The following KYNU variants were observed in gnomAD, a reference collection of about 807,000 sequenced individuals.
The protein encoded by KYNU is kynureninase.
KYNU carries 54 observed loss-of-function variants against 59.2 expected under a neutral mutation model. The observed-to-expected ratio is 0.91, with a 90% CI of 0.73 to 1.14. KYNU has a LOEUF of 1.14. Ranked by LOEUF, KYNU falls within the 50% of genes most tolerant of loss-of-function variation. The probability of loss-of-function intolerance (pLI) is 0.00; values close to 1 mark genes in which losing one functional copy is unlikely to be tolerated. For missense variants in KYNU, 567 were observed against 554.4 expected (o/e 1.02, Z -0.23); for synonymous variants, 177 against 192.0 (o/e 0.92, Z 0.65).
chr2:142,939,619 AAAAG>A (rs1489169452), intron 4 of KYNU, among the ~76,000 whole-genome samples: 2 of 150,282 alleles, frequency 1.3e-5, no homozygotes, highest in African/African-American at 2.4e-5. Flanking sequence ...AAAAAAAAAA[AAAAG>A]AAAAAAGAAA....
At position 142,981,609 on chromosome 2, in the gene KYNU, A is replaced by G. The variant is rs569471644; in HGVS notation, c.730-3475A>G. Among the ~76,000 whole-genome samples the G allele has an allele frequency of 1.4e-4, 21 of 152,162 alleles. No individual in the cohort carries two copies. The South Asian group carries it at 2.5e-3, about 18-fold the overall frequency. On this transcript the variant is annotated intron_variant, in intron 8 of 13. Transcript: ENST00000264170. ...TATTACTCCTTAAACTTATATTACA[A>G]TGGAGCACTTGTCTTATTTTCATGG...
At chr2:143,031,964 AAG>A (rs370903378) in intron 11 of KYNU, among the ~76,000 whole-genome samples, 1 of 151,824 alleles carries the variant, frequency 6.6e-6, no homozygotes, top group Admixed American at 6.6e-5. Context: ...GAGAGAGAGA[AAG>A]AGAGAGAGTG....
At position 143,010,195 on chromosome 2, in the gene KYNU, T is replaced by G. The variant is rs1418587973; in HGVS notation, c.903-19432T>G. On this transcript the variant is annotated intron_variant, in intron 10 of 13. Coordinates refer to ENST00000264170, the MANE Select transcript of KYNU (RefSeq NM_003937.3). ...TCAGCCCAAAATCTCCTTAAGCTGA[T>G]AAGCAACTTCAGCAAAGTCTCAGGA... is the stretch of plus-strand genomic sequence containing the variant. 2.4e-5 allele frequency among the ~76,000 whole-genome samples: 3 copies of G among 124,158 alleles called. No individual in the cohort carries two copies. The East Asian group carries it at 7.1e-4, about 29-fold the overall frequency. The allele number at this position is 124,158 out of a possible 152,430, so 81.5% of individuals were successfully genotyped here. A position where few individuals can be genotyped will look rare whatever the true frequency, so the allele number is the denominator to read the frequency against.
chr2:142,977,852 G>T (rs1455675835), intron 8 of KYNU, among the ~76,000 whole-genome samples: 1 of 152,058 alleles, frequency 6.6e-6, no homozygotes, highest in Non-Finnish European at 1.5e-5. Context: ...ATTTTTGAAG[G>T]CCGTGGCAAA....
chr2:143,035,181 G>A (rs534823984), intron 12 of KYNU, among the ~76,000 whole-genome samples: 9 of 152,062 alleles, frequency 5.9e-5, no homozygotes, highest in East Asian at 3.9e-4. Context: ...GGTGTGCACC[G>A]CTACACCAGG....
At chr2:142,913,905 T>A (rs527548583) in intron 2 of KYNU, among the ~76,000 whole-genome samples, 13 of 152,334 alleles carry the variant, frequency 8.5e-5, no homozygotes, top group African/African-American at 3.1e-4. Context: ...TTAGGATAGT[T>A]TAGTATTCTT....
chr2:142,980,897 T>C (rs1573866473), intron 8 of KYNU, among the ~76,000 whole-genome samples: 1 of 152,150 alleles, frequency 6.6e-6, no homozygotes, highest in South Asian at 2.1e-4. Context: ...GTTACCTACA[T>C]GAGGCAAAAC....
chr2:142,905,652 A>T (rs1039695716), intron 2 of KYNU, among the ~76,000 whole-genome samples: 2 of 152,200 alleles, frequency 1.3e-5, no homozygotes, highest in Non-Finnish European at 2.9e-5. Context: ...GATAGCTCTG[A>T]ACTGGTTATG....
chr2:142,980,936 G>T (rs76154765), intron 8 of KYNU, among the ~76,000 whole-genome samples: 2,445 of 152,190 alleles, frequency 0.016, 67 homozygotes, highest in African/African-American at 0.056. Flanking sequence ...GCTGTAGAAA[G>T]GTTTTGGAGA....
chr2:142,895,612 A>C (rs1558906249), intron 2 of KYNU, among the ~76,000 whole-genome samples: 1 of 152,084 alleles, frequency 6.6e-6, no homozygotes, highest in Non-Finnish European at 1.5e-5. Context: ...TGTGAGTGTA[A>C]ATTTTTTATC....
At chr2:142,917,202 C>G (rs1682693966) in intron 2 of KYNU, among the ~76,000 whole-genome samples, 1 of 152,042 alleles carries the variant, frequency 6.6e-6, no homozygotes, top group Admixed American at 6.6e-5. Context: ...GAAAGGGGAC[C>G]CTCTCCCACT....
intron 10 of KYNU, among the ~76,000 whole-genome samples, chr2:143,003,835 C>G (rs1179022782): frequency 6.6e-6 from 1 of 152,124 alleles, no homozygotes; most frequent in Non-Finnish European, 1.5e-5. Context: ...CTAATGGTGT[C>G]CAATTCAGGT....
At chr2:143,004,569 C>T (rs1030519110) in intron 10 of KYNU, among the ~76,000 whole-genome samples, 8 of 151,962 alleles carry the variant, frequency 5.3e-5, no homozygotes, top group Non-Finnish European at 8.8e-5. Context: ...GAATTAGCTG[C>T]GTGTGGTGGT....
chr2:142,894,719 T>A (rs182967608), intron 2 of KYNU, among the ~76,000 whole-genome samples: 1 of 152,218 alleles, frequency 6.6e-6, no homozygotes, highest in African/African-American at 2.4e-5. Flanking sequence ...AATGAAAATA[T>A]GTATGTTTCC....
rs1481701345 is a variant in KYNU, at chr2:143,050,343, CT to C, written c.*8172del. ...GCAGGCCCTGGTGTGTGTTGTTCCC[CT>C]CTCTGTGTCCATGTATTCTCGCCTC... On this transcript the variant is annotated 3_prime_UTR_variant, in exon 14 of 14. Transcript: ENST00000264170. The C allele has an allele frequency of 3.9e-5, 6 of 151,964 alleles. No homozygotes were observed. Among genetic ancestry groups the C allele is most frequent in the Admixed American group, 3.9e-4 (6 of 15,222 alleles). The allele number at this position is 151,964 out of a possible 1,614,324, so 9.4% of individuals were successfully genotyped here.
chr2:142,885,561 A>G, intron 2 of KYNU, 25 bp downstream of exon 2: 1 of 1,578,694 alleles, frequency 6.3e-7, no homozygotes, highest in Non-Finnish European at 8.7e-7. Context: ...AAGGTTTTTA[A>G]ATTTTATTTA....
intron 2 of KYNU, among the ~76,000 whole-genome samples, chr2:142,887,269 T>A (rs962881453): frequency 6.6e-6 from 1 of 152,160 alleles, no homozygotes; most frequent in Non-Finnish European, 1.5e-5. Context: ...TCACACCCTT[T>A]TCTATGACTA....
At chr2:142,880,934 C>T (rs1297577555) in intron 1 of KYNU, among the ~76,000 whole-genome samples, 1 of 152,106 alleles carries the variant, frequency 6.6e-6, no homozygotes, top group African/African-American at 2.4e-5. Flanking sequence ...TACATATGTC[C>T]AAATAAATAT....
At chr2:143,005,775 C>T (rs116327828) in intron 10 of KYNU, among the ~76,000 whole-genome samples, 28 of 151,998 alleles carry the variant, frequency 1.8e-4, no homozygotes, top group African/African-American at 3.4e-4. Flanking sequence ...CAATTACTTT[C>T]GCACCAACAT....
Sources: allele counts gnomAD v4.1 joint callset (sites outside exome capture counted in the v4.1 genomes callset), GRCh38; gene constraint gnomAD v4.1.1; transcripts MANE v1.5; gene names NCBI Gene and HGNC (gene_info 2026-07-23, HGNC 2026-07-21).